Variants in GALNT13 observed in about 807,000 individuals in gnomAD.
GALNT13 encodes the protein UDP-GalNAc:polypeptide N-acetylgalactosaminyltransferase 13.
In GALNT13, 28 loss-of-function variants were observed where a neutral mutation model predicts 64.2. The observed-to-expected ratio is 0.44, with a 90% CI of 0.32 to 0.60. The LOEUF is 0.60. Ranked by LOEUF, GALNT13 falls within the 20% of genes least tolerant of loss-of-function variation. The pLI is 0.05. For missense variants in GALNT13, 577 were observed against 669.8 expected, an observed-to-expected ratio of 0.86 and a Z score of 1.53; for synonymous variants, 214 against 224.6, an observed-to-expected ratio of 0.95 and a Z score of 0.42.
At position 154,426,460 on chromosome 2, in the gene GALNT13, T is replaced by C. The variant is rs1700475390; in HGVS notation, c.1396-12132T>C. ...AGGGAAGGAGGTTATACAGGGCATG[T>C]ATACCAGGGGATAGAAACCTTCGGT... On this transcript the variant is annotated intron_variant, in intron 11 of 12. Coordinates refer to ENST00000392825, the MANE Select transcript of GALNT13 (RefSeq NM_052917.4). 2.6e-5 allele frequency among the ~76,000 whole-genome samples: 4 copies of C among 152,340 alleles called. No individual in the cohort carries two copies. In the South Asian group the frequency reaches 8.3e-4, roughly 32 times the overall value.
the GALNT13 span, among the ~76,000 whole-genome samples, chr2:153,336,863 A>G: frequency 6.6e-6 from 1 of 152,106 alleles, no homozygotes; most frequent in Non-Finnish European, 1.5e-5. Context: ...GTATTGTGGG[A>G]GGGACCCAGG....
chr2:153,774,509 A>G, the GALNT13 span, among the ~76,000 whole-genome samples: 1 of 152,194 alleles, frequency 6.6e-6, no homozygotes, highest in Non-Finnish European at 1.5e-5. Flanking sequence ...TCAAACGTTT[A>G]TATGGGTAGG....
At chr2:154,035,390 TTTAAA>T (rs1242451051) in intron 3 of GALNT13, among the ~76,000 whole-genome samples, 2 of 152,058 alleles carry the variant, frequency 1.3e-5, no homozygotes, top group African/African-American at 4.8e-5. Flanking sequence ...CATATAGAAC[TTTAAA>T]TTAACCCCGG....
the GALNT13 span, among the ~76,000 whole-genome samples, chr2:153,191,421 T>C: frequency 6.6e-6 from 1 of 152,276 alleles, no homozygotes; most frequent in East Asian, 1.9e-4. Context: ...TAAATTCTAC[T>C]TAATCATGTC....
At chr2:153,749,425 C>T in the GALNT13 span, among the ~76,000 whole-genome samples, 23 of 151,934 alleles carry the variant, frequency 1.5e-4, no homozygotes, top group African/African-American at 4.3e-4. Context: ...GATTGCTTTG[C>T]GTAGTATGGA....
chr2:154,218,555 G>T (rs1688163766), intron 4 of GALNT13, among the ~76,000 whole-genome samples: 1 of 151,982 alleles, frequency 6.6e-6, no homozygotes, highest in Admixed American at 6.6e-5. Context: ...TCTGGTACTT[G>T]TTTTCCAAAA....
the GALNT13 span, among the ~76,000 whole-genome samples, chr2:153,505,354 CTTG>C: frequency 6.6e-6 from 1 of 151,764 alleles, no homozygotes; most frequent in Non-Finnish European, 1.5e-5. Context: ...TTGTATTGTT[CTTG>C]TTGTTTCAGT....
chr2:153,269,797 A>T, the GALNT13 span, among the ~76,000 whole-genome samples: 1 of 152,180 alleles, frequency 6.6e-6, no homozygotes, highest in Non-Finnish European at 1.5e-5. Context: ...TGAAGGAGAA[A>T]CAAGTACTTT....
At chr2:154,093,869 C>A (rs560626416) in intron 3 of GALNT13, among the ~76,000 whole-genome samples, 1 of 151,710 alleles carries the variant, frequency 6.6e-6, no homozygotes, top group Admixed American at 6.6e-5. Context: ...ATTCTCCCTC[C>A]TTCCCATCCC....
the GALNT13 span, among the ~76,000 whole-genome samples, chr2:153,543,690 GGAAAACAAAATTGTCAAAACAGTACAA>G: frequency 9.1e-4 from 138 of 152,186 alleles, no homozygotes; most frequent in Non-Finnish European, 1.7e-3. Context: ...AGATCTTCTG[GGAAAACAAAATTGTCAAAACAGTACAA>G]GAAACCGTCT....
chr2:154,076,176 A>G (rs981631362), intron 3 of GALNT13, among the ~76,000 whole-genome samples: 9 of 151,694 alleles, frequency 5.9e-5, no homozygotes, highest in African/African-American at 1.7e-4. Flanking sequence ...CTTACGGCAA[A>G]TGGAAAAGGG....
intron 9 of GALNT13, among the ~76,000 whole-genome samples, chr2:154,310,425 A>G (rs1228993518): frequency 2.0e-5 from 3 of 152,160 alleles, no homozygotes; most frequent in Non-Finnish European, 4.4e-5. Context: ...ACATACATAT[A>G]CAGACACATA....
chr2:154,104,399 C>G (rs1255493473), intron 3 of GALNT13, among the ~76,000 whole-genome samples: 3 of 152,154 alleles, frequency 2.0e-5, no homozygotes, highest in African/African-American at 7.2e-5. Flanking sequence ...AGCGGACACA[C>G]TTTTAATGAA....
the GALNT13 span, among the ~76,000 whole-genome samples, chr2:153,102,784 A>T: frequency 1.3e-5 from 2 of 152,122 alleles, no homozygotes; most frequent in African/African-American, 2.4e-5. Flanking sequence ...CAAATAGTAT[A>T]CTAAAACCAC....
chr2:153,270,035 T>G, the GALNT13 span, among the ~76,000 whole-genome samples: 126,459 of 152,150 alleles, frequency 0.83, 53,804 homozygotes, highest in African/African-American at 0.93. Context: ...AAAGACTTAA[T>G]CTAGTTAAAC....
the GALNT13 span, among the ~76,000 whole-genome samples, chr2:153,333,687 G>T: frequency 6.6e-6 from 1 of 152,116 alleles, no homozygotes; most frequent in Non-Finnish European, 1.5e-5. Context: ...CATATTGGTT[G>T]CCAGAAACAT....
At chr2:153,907,379 AATAC>A (rs984318485) in intron 2 of GALNT13, among the ~76,000 whole-genome samples, 4 of 151,884 alleles carry the variant, frequency 2.6e-5, no homozygotes, top group East Asian at 1.9e-4. Context: ...CATACATAAT[AATAC>A]ATACATATTA....
At chr2:153,079,255 G>T in the GALNT13 span, among the ~76,000 whole-genome samples, 4 of 152,112 alleles carry the variant, frequency 2.6e-5, no homozygotes, top group African/African-American at 9.7e-5. Flanking sequence ...ACTAGCATTG[G>T]CCAATGTCAA....
chr2:154,239,295 T>G (rs1214935024), intron 4 of GALNT13, among the ~76,000 whole-genome samples: 7 of 152,158 alleles, frequency 4.6e-5, no homozygotes, highest in African/African-American at 9.6e-5. Context: ...CAAAAAATGT[T>G]GATTGAAAAA....
Sources: allele counts gnomAD v4.1 joint callset (sites outside exome capture counted in the v4.1 genomes callset), GRCh38; gene constraint gnomAD v4.1.1; transcripts MANE v1.5; gene names NCBI Gene and HGNC (gene_info 2026-07-23, HGNC 2026-07-21).